IKZF1: variants seen among roughly 807,000 people sequenced by gnomAD.
IKZF1 encodes the protein IKAROS family zinc finger 1, also known as DNA-binding protein Ikaros.
Under a neutral mutation model 51.7 loss-of-function variants are expected in IKZF1, and 10 were observed. The ratio of observed to expected loss-of-function variants is 0.19; its 90% CI spans 0.12 to 0.33. The LOEUF is 0.33. Ranked by LOEUF, IKZF1 falls within the 10% of genes least tolerant of loss-of-function variation. The pLI is 1.00. For missense variants in IKZF1, 484 were observed against 707.5 expected, an observed-to-expected ratio of 0.68 and a Z score of 3.58; for synonymous variants, 280 against 282.3, an observed-to-expected ratio of 0.99 and a Z score of 0.08.
intron 3 of IKZF1, among the ~76,000 whole-genome samples, chr7:50,354,790 G>T (rs915207758): frequency 6.6e-6 from 1 of 152,066 alleles, no homozygotes; most frequent in African/African-American, 2.4e-5. Flanking sequence ...CCCATGATGG[G>T]GATGGAGAGT....
rs188257517 is a variant in IKZF1 at position 50,393,801 on chromosome 7, A to C, written c.850+1938A>C. On this transcript the variant is annotated intron_variant, in intron 7 of 7. Transcript: ENST00000331340. The stretch of plus-strand genomic sequence containing the variant: ...CTGCCTGGGGTGGACACAGTGACAG[A>C]GAGATGGGTGGTGACTGGGGTATGG... 203 of 233,090 alleles carry C rather than the reference A, an allele frequency of 8.7e-4. 2 individuals carry two copies. Among genetic ancestry groups the C allele is most frequent in the Admixed American group, 1.4e-3 (25 of 17,778 alleles). The allele number at this position is 233,090 out of a possible 1,614,324, so 14.4% of individuals were successfully genotyped here.
In IKZF1 at chr7:50,315,662, C is replaced by T. The variant is rs866319236; in HGVS notation, c.-14-3386C>T. On this transcript the variant is annotated intron_variant, in intron 1 of 7. Transcript: ENST00000331340. Reference sequence around the variant, plus strand: ...CCAGGCAAAGTAGAAAACTGCGGTACGTTTCTGTGAAATAATTATTCCTTC... The same window carrying T: ...CCAGGCAAAGTAGAAAACTGCGGTATGTTTCTGTGAAATAATTATTCCTTC... Among the ~76,000 whole-genome samples the T allele has an allele frequency of 2.6e-5, 4 of 152,196 alleles. No individual in the cohort carries two copies. The South Asian group carries it at 6.2e-4, about 24-fold the overall frequency.
intron 6 of IKZF1, among the ~76,000 whole-genome samples, chr7:50,389,799 C>T (rs1373583703): frequency 6.6e-6 from 1 of 152,270 alleles, no homozygotes; most frequent in Non-Finnish European, 1.5e-5. Context: ...TTGGTCATTT[C>T]AGCTGTGCTG....
At chr7:50,345,900 G>A (rs925807687) in intron 3 of IKZF1, among the ~76,000 whole-genome samples, 4 of 152,134 alleles carry the variant, frequency 2.6e-5, no homozygotes, top group African/African-American at 4.8e-5. Context: ...ATTTAGGGCC[G>A]GGTGCAGTGG....
intron 2 of IKZF1, among the ~76,000 whole-genome samples, chr7:50,323,021 C>A (rs1053359276): frequency 6.6e-6 from 1 of 151,852 alleles, no homozygotes; most frequent in Non-Finnish European, 1.5e-5. Context: ...GATATGGAAA[C>A]CTTTAGATAT....
intron 3 of IKZF1, among the ~76,000 whole-genome samples, chr7:50,373,531 G>A (rs1348329844): frequency 2.6e-5 from 4 of 152,228 alleles, no homozygotes; most frequent in South Asian, 2.1e-4. Context: ...TTCTAGCCTC[G>A]GAAGCACTAG....
At chr7:50,341,025 T>G (rs1311745546) in intron 3 of IKZF1, among the ~76,000 whole-genome samples, 1 of 152,244 alleles carries the variant, frequency 6.6e-6, no homozygotes, top group South Asian at 2.1e-4. Context: ...TTATATGTGT[T>G]AGTTAATTTT....
At position 50,402,945 on chromosome 7, in the gene IKZF1, G is replaced by A. The variant is rs906751292; in HGVS notation, c.*2318G>A. 1 of 228,086 alleles carries A rather than the reference G, an allele frequency of 4.4e-6. No individual in the cohort carries two copies. The highest frequency in any genetic ancestry group is 2.2e-5 in the African/African-American group (1 of 45,008). 14.1% of individuals were successfully genotyped at this position (228,086 alleles called of 1,614,324 possible). On this transcript the variant is annotated 3_prime_UTR_variant, in exon 8 of 8. Transcript: ENST00000331340. The stretch of plus-strand genomic sequence containing the variant: ...TCTCTAAGGTGAGAGCCTTCTTAGA[G>A]TCAGTTTGTTGCAAATTTCACCTAC...
In IKZF1 at chr7:50,376,535, A is replaced by G. The variant is rs751426805; in HGVS notation, c.163A>G (p.Ser55Gly). The G allele has an allele frequency of 1.2e-6, 2 of 1,613,254 alleles. No individual in the cohort carries two copies. Among genetic ancestry groups the G allele is most frequent in the African/African-American group, 1.3e-5 (1 of 74,902 alleles). Residue 55 changes from serine to glycine, a missense_variant and splice_region_variant, in exon 4 of 8, where the codon AGT becomes GGT. This residue lies in a region of IKZF1 where 118 missense variants were observed against 138.4 expected (regional missense o/e 0.85). Transcript: ENST00000331340. The surrounding 1 kb of genome is among the most constrained non-coding windows in gnomAD (Gnocchi z 4.5). ...GCCTCCTGTATTGTTTCTTTCAGCC[A>G]GTAATGTTAAAGTAGAGACTCAGAG... Reference protein sequence around the residue: ...QSSKSDRVVASNVKVETQSDE... With the variant: ...QSSKSDRVVAGNVKVETQSDE...
intron 3 of IKZF1, among the ~76,000 whole-genome samples, chr7:50,344,606 C>T (rs886944602): frequency 2.6e-5 from 4 of 152,254 alleles, no homozygotes; most frequent in Admixed American, 2.6e-4. Context: ...AGCTGTTATA[C>T]TCCCGTTATT....
Position 50,403,691 on chromosome 7 carries a change from A to G in IKZF1, c.*3064A>G, listed in dbSNP as rs1434223347. ...AAAGTCCTAGCACCAATTGCTTCAC[A>G]TACCAGCATGTTCCATTTCCAATTT... On this transcript the variant is annotated 3_prime_UTR_variant, in exon 8 of 8. Coordinates refer to ENST00000331340, the MANE Select transcript of IKZF1 (RefSeq NM_006060.6). 1 of 229,120 alleles carries G rather than the reference A, an allele frequency of 4.4e-6. No homozygotes were observed. The highest frequency in any genetic ancestry group is 8.7e-6 in the Non-Finnish European group (1 of 115,522). 14.2% of individuals were successfully genotyped at this position (229,120 alleles called of 1,614,324 possible).
chr7:50,362,830 T>C (rs763061411), intron 3 of IKZF1, among the ~76,000 whole-genome samples: 1 of 151,926 alleles, frequency 6.6e-6, no homozygotes, highest in Non-Finnish European at 1.5e-5. Flanking sequence ...AGCAGGTTGA[T>C]TGAGAGGGGT....
chr7:50,326,533 A>G (rs567037599), intron 2 of IKZF1, among the ~76,000 whole-genome samples: 1 of 152,354 alleles, frequency 6.6e-6, no homozygotes, highest in Non-Finnish European at 1.5e-5. Flanking sequence ...TGGAGAAAAG[A>G]GCATTTCCTA....
At chr7:50,372,334 C>A (rs1808945049) in intron 3 of IKZF1, among the ~76,000 whole-genome samples, 1 of 152,214 alleles carries the variant, frequency 6.6e-6, no homozygotes, top group Admixed American at 6.5e-5. Flanking sequence ...GACGGTGTTG[C>A]CCACTCTGTT....
At chr7:50,346,576 T>G (rs1168425271) in intron 3 of IKZF1, among the ~76,000 whole-genome samples, 1 of 152,204 alleles carries the variant, frequency 6.6e-6, no homozygotes, top group Non-Finnish European at 1.5e-5. Context: ...GGTCTCACTC[T>G]TCCCTGGCAT....
intron 3 of IKZF1, among the ~76,000 whole-genome samples, chr7:50,361,408 G>A (rs183025946): frequency 1.3e-5 from 2 of 152,264 alleles, no homozygotes; most frequent in East Asian, 3.9e-4. Flanking sequence ...TTACAACACT[G>A]GGAAAATATC....
At chr7:50,352,391 G>A (rs1240460472) in intron 3 of IKZF1, among the ~76,000 whole-genome samples, 1 of 152,200 alleles carries the variant, frequency 6.6e-6, no homozygotes, top group Non-Finnish European at 1.5e-5. Flanking sequence ...TAAAGAGAGT[G>A]TGTGTAAGTG....
rs535077009 is a variant in IKZF1 at position 50,404,802 on chromosome 7, T to C, written c.*4175T>C. The stretch of plus-strand genomic sequence containing the variant: ...CAATTTCACTACCTTGTCTTTTACA[T>C]AGTCATAAGAATTATCCTCAACATA... On this transcript the variant is annotated 3_prime_UTR_variant, in exon 8 of 8. Transcript: ENST00000331340. The C allele has an allele frequency of 3.6e-4, 82 of 227,920 alleles. 1 individual carries two copies. The South Asian group carries it at 0.015, about 41-fold the overall frequency. 14.1% of individuals were successfully genotyped at this position (227,920 alleles called of 1,614,324 possible). A position where few individuals can be genotyped will look rare whatever the true frequency, so the allele number is the denominator to read the frequency against.
At chr7:50,390,156 G>A (rs1181502890) in intron 6 of IKZF1, among the ~76,000 whole-genome samples, 4 of 152,184 alleles carry the variant, frequency 2.6e-5, no homozygotes, top group African/African-American at 7.2e-5. Context: ...CCTGTGACTC[G>A]CGAGCATCAG....
Sources: gnomAD v4.1 joint callset for allele counts (sites outside exome capture counted in the v4.1 genomes callset) on GRCh38, gnomAD v4.1.1 for gene constraint, gnomAD v4.1.1 regional missense constraint, Gnocchi (gnomAD v3.1) non-coding constraint, MANE v1.5 for transcripts, NCBI Gene and HGNC (gene_info 2026-07-23, HGNC 2026-07-21) for gene names.